NHSL1: variants seen among roughly 807,000 people sequenced by gnomAD.
NHSL1 encodes the protein NHS-like protein 1.
Under a neutral mutation model 95.0 loss-of-function variants are expected in NHSL1, and 48 were observed. That is an observed-to-expected ratio of 0.51 (90% CI 0.40 to 0.64). NHSL1 has a LOEUF of 0.64. Ranked by LOEUF, NHSL1 falls within the 30% of genes least tolerant of loss-of-function variation. NHSL1 has a pLI of 0.00. For missense variants in NHSL1, 1,971 were observed against 2,077.7 expected, an observed-to-expected ratio of 0.95 and a Z score of 1.00; for synonymous variants, 783 against 833.9, an observed-to-expected ratio of 0.94 and a Z score of 1.05.
At chr6:138,613,049 C>T (rs1235047418) in intron 1 of NHSL1, among the ~76,000 whole-genome samples, 2 of 152,174 alleles carry the variant, frequency 1.3e-5, no homozygotes, top group African/African-American at 4.8e-5. Context: ...CCTAAGAAAC[C>T]ACCACACCAG....
chr6:138,606,656 T>C lies in NHSL1; in HGVS notation c.96+85820A>G, dbSNP rs571812829. On this transcript the variant is annotated intron_variant, in intron 1 of 3. Transcript: ENST00000491526. ...TCCGTGCTTTTTGTGACTGGCAGTG[T>C]CCCTACCCCACCTTCATCTGGCTAC... Among the ~76,000 whole-genome samples the C allele has an allele frequency of 2.0e-5, 3 of 151,670 alleles. No homozygotes were observed. The South Asian group carries it at 6.3e-4, about 32-fold the overall frequency.
chr6:138,692,337 G>C lies in NHSL1; in HGVS notation c.96+139C>G, dbSNP rs924538733. The C allele has an allele frequency of 5.4e-6, 2 of 366,998 alleles. No homozygotes were observed. Among genetic ancestry groups the C allele is most frequent in the Non-Finnish European group, 1.1e-5 (2 of 186,010 alleles). The allele number at this position is 366,998 out of a possible 1,614,324, so 22.7% of individuals were successfully genotyped here. On this transcript the variant is annotated intron_variant, in intron 1 of 3. Coordinates refer to the NHSL1 transcript ENST00000491526. The surrounding 1 kb of genome is among the most constrained non-coding windows in gnomAD (Gnocchi z 4.0). ...CCTGCCCAGCCTCCCGCTGGGGTCC[G>C]GCAGTCCCCACTGGAGACCCCGACA...
intron 1 of NHSL1, among the ~76,000 whole-genome samples, chr6:138,596,814 T>C (rs988792611): frequency 1.3e-5 from 2 of 152,012 alleles, no homozygotes; most frequent in Non-Finnish European, 2.9e-5. Context: ...TCCTTTAAAA[T>C]AGTCTCTAGA....
chr6:138,424,029 G>T lies in NHSL1; in HGVS notation c.*52C>A, dbSNP rs1355078728. The T allele has an allele frequency of 7.5e-7, 1 of 1,339,144 alleles. No individual in the cohort carries two copies. The highest frequency in any genetic ancestry group is 2.7e-5 in the East Asian group (1 of 37,324). 83.0% of individuals were successfully genotyped at this position (1,339,144 alleles called of 1,614,324 possible). On this transcript the variant is annotated 3_prime_UTR_variant, in exon 8 of 8. Coordinates refer to ENST00000343505, the MANE Select transcript of NHSL1 (RefSeq NM_001144060.2). This position sits in a 1 kb window ranked among gnomAD's most constrained non-coding sequence, Gnocchi z 5.9. ...GGGCGCCTAGCAGGCTTCCTAGAGTGCTGCATTGCTCGTCTCCCCCCGTGT... is the reference window on the plus strand; with the variant it reads ...GGGCGCCTAGCAGGCTTCCTAGAGTTCTGCATTGCTCGTCTCCCCCCGTGT...
intron 1 of NHSL1, among the ~76,000 whole-genome samples, chr6:138,555,812 T>C (rs1048451372): frequency 6.6e-6 from 1 of 152,114 alleles, no homozygotes; most frequent in African/African-American, 2.4e-5. Flanking sequence ...GTCAGGAATG[T>C]CAAAATTAAA....
chr6:138,447,003 G>A lies in NHSL1; in HGVS notation c.530C>T (p.Thr177Ile). Residue 177 changes from threonine (T) to isoleucine (I), a missense_variant and splice_region_variant, in exon 4 of 8, where the codon ACT becomes ATT. This residue lies in a region of NHSL1 where 1,602 missense variants were observed against 1,654.5 expected (regional missense o/e 0.97). Transcript: ENST00000343505. ...CCTGTCTGGCTAGCAAAGCGTACCA[G>A]TTATGTTAATAGGCACCACGTCAGC... is the stretch of plus-strand genomic sequence containing the variant. ...VQADVVPINITGENFDRQASL... is the reference protein window; with the variant it reads ...VQADVVPINIIGENFDRQASL... 4 of 1,551,568 alleles carry A rather than the reference G, an allele frequency of 2.6e-6. No individual in the cohort carries two copies. Among genetic ancestry groups the A allele is most frequent in the Non-Finnish European group, 3.5e-6 (4 of 1,146,856 alleles).
chr6:138,446,931 C>T (rs1776899045), intron 4 of NHSL1, 70 bp downstream of exon 4: 5 of 1,400,364 alleles, frequency 3.6e-6, no homozygotes, highest in Non-Finnish European at 4.9e-6. Flanking sequence ...GAAATGCTAA[C>T]AGCATAAAAC....
At chr6:138,442,190 C>G (rs767526735) in intron 4 of NHSL1, 76 bp from the exon 5 acceptor site, 80 of 1,375,148 alleles carry the variant, frequency 5.8e-5, no homozygotes, top group Non-Finnish European at 7.3e-5. Flanking sequence ...CTTCCAGAAG[C>G]TTGTTGTAAA....
Position 138,482,360 on chromosome 6 carries a change from T to G in NHSL1, c.212-8927A>C, listed in dbSNP as rs533338350. 3.3e-5 allele frequency among the ~76,000 whole-genome samples: 5 copies of G among 150,472 alleles called. No homozygotes were observed. The East Asian group carries it at 5.9e-4, about 18-fold the overall frequency. On this transcript the variant is annotated intron_variant, in intron 2 of 7. Transcript: ENST00000343505. Reference sequence around the variant, plus strand: ...ACTCAGGAGGCTGAGGCAGGAGAATTGCTTGAACCCGGGAGGCGGAGGTTG... The same window carrying G: ...ACTCAGGAGGCTGAGGCAGGAGAATGGCTTGAACCCGGGAGGCGGAGGTTG...
At chr6:138,660,054 C>T (rs549722943) in intron 1 of NHSL1, among the ~76,000 whole-genome samples, 1 of 152,256 alleles carries the variant, frequency 6.6e-6, no homozygotes, top group South Asian at 2.1e-4. Flanking sequence ...TGTATGATGT[C>T]CTTTCTTCAA....
In NHSL1 at chr6:138,692,259, A is replaced by G. The variant is rs1169427994; in HGVS notation, c.96+217T>C. The G allele has an allele frequency of 3.1e-5, 14 of 447,102 alleles. No individual in the cohort carries two copies. Among genetic ancestry groups the G allele is most frequent in the South Asian group, 9.5e-5 (6 of 63,392 alleles). The allele number at this position is 447,102 out of a possible 1,614,324, so 27.7% of individuals were successfully genotyped here. On this transcript the variant is annotated intron_variant, in intron 1 of 3. Transcript: ENST00000491526. This position sits in a 1 kb window ranked among gnomAD's most constrained non-coding sequence, Gnocchi z 4.0. ...CCCTCCGCGCCCACTCTCTCGAGGT[A>G]GCCAAGACCCTCCAGGAGTCCGAAA...
At chr6:138,630,703 A>C (rs747296819) in intron 1 of NHSL1, among the ~76,000 whole-genome samples, 3 of 152,150 alleles carry the variant, frequency 2.0e-5, no homozygotes, top group Non-Finnish European at 4.4e-5. Flanking sequence ...CATTTTTATA[A>C]TCAATTTCAT....
chr6:138,503,425 A>G (rs1780792086), upstream of NHSL1, among the ~76,000 whole-genome samples: 1 of 152,232 alleles, frequency 6.6e-6, no homozygotes, highest in Admixed American at 6.5e-5. Flanking sequence ...AAATCCGGCC[A>G]TTAAATGATT....
At chr6:138,534,813 G>A (rs1782271865) in intron 1 of NHSL1, among the ~76,000 whole-genome samples, 1 of 152,080 alleles carries the variant, frequency 6.6e-6, no homozygotes, top group African/African-American at 2.4e-5. Flanking sequence ...AAGATGGAGG[G>A]GTCTCATTAA....
At chr6:138,571,996 G>A (rs1329398649) in exon 1 of NHSL1, 13 of 1,095,300 alleles carry the variant, frequency 1.2e-5, no homozygotes, top group Non-Finnish European at 1.3e-5. Flanking sequence ...TCCTCTCCAC[G>A]AGCCTGCTGT....
chr6:138,457,456 G>A (rs1777690315), intron 3 of NHSL1, among the ~76,000 whole-genome samples: 1 of 152,082 alleles, frequency 6.6e-6, no homozygotes, highest in Admixed American at 6.5e-5. Flanking sequence ...TAAATAACCA[G>A]AATCGACGTC....
At chr6:138,476,424 C>T (rs991010205) in intron 2 of NHSL1, among the ~76,000 whole-genome samples, 2 of 152,120 alleles carry the variant, frequency 1.3e-5, no homozygotes, top group African/African-American at 4.8e-5. Flanking sequence ...ATGTTCTCAC[C>T]TTATTAGTGG....
intron 1 of NHSL1, among the ~76,000 whole-genome samples, chr6:138,519,221 A>C (rs1034988062): frequency 6.6e-6 from 1 of 152,072 alleles, no homozygotes. Context: ...AACAACTTCA[A>C]TAGTATTTTT....
At chr6:138,505,631 C>T (rs6923270) in intron 1 of NHSL1, among the ~76,000 whole-genome samples, 72,445 of 140,614 alleles carry the variant, frequency 0.52, 19,005 homozygotes, top group East Asian at 0.93. Context: ...CCAGCCTGGG[C>T]GACAGAGCTA....
Sources: allele counts gnomAD v4.1 joint callset (sites outside exome capture counted in the v4.1 genomes callset), GRCh38; gene constraint gnomAD v4.1.1; regional missense constraint gnomAD v4.1.1; non-coding constraint Gnocchi (gnomAD v3.1); transcripts MANE v1.5; gene names NCBI Gene and HGNC (gene_info 2026-07-23, HGNC 2026-07-21).